The following FGD4 variants were observed in gnomAD, a reference collection of about 807,000 sequenced individuals.
The protein encoded by FGD4 is FYVE, RhoGEF and PH domain-containing protein 4.
Under a neutral mutation model 102.0 loss-of-function variants are expected in FGD4, and 42 were observed. The observed-to-expected ratio is 0.41, with a 90% CI of 0.32 to 0.53. FGD4 has a LOEUF of 0.53. Among genes scored for constraint, FGD4 ranks in the 20% least tolerant of loss-of-function variants. FGD4 has a pLI of 0.21. For missense variants in FGD4, 902 were observed against 1,078.2 expected, an observed-to-expected ratio of 0.84 and a Z score of 2.29; for synonymous variants, 380 against 375.7, an observed-to-expected ratio of 1.01 and a Z score of -0.13.
intron 1 of FGD4, among the ~76,000 whole-genome samples, chr12:32,485,458 T>TTTTTTTA (rs869293958): frequency 6.8e-6 from 1 of 147,086 alleles, no homozygotes; most frequent in African/African-American, 2.5e-5. Flanking sequence ...TTTTTTTTTT[T>TTTTTTTA]GAGACAGAGA....
At position 32,420,863 on chromosome 12, in the gene FGD4, A is replaced by G. The variant is rs532195688; in HGVS notation, c.166+20904A>G. On this transcript the variant is annotated intron_variant, in intron 1 of 16. Coordinates refer to ENST00000534526, the MANE Select transcript of FGD4 (RefSeq NM_001370298.3). ...AGAAGAACCCCAAACTAGTTGGTAC[A>G]TTTTGGTTCAATGTAATAATTATTT... Among the ~76,000 whole-genome samples, 16 of 152,194 alleles carry G rather than the reference A, an allele frequency of 1.1e-4. No individual in the cohort carries two copies. The South Asian group carries it at 3.3e-3, about 32-fold the overall frequency.
At chr12:32,400,514 A>G (rs1940612401) in intron 1 of FGD4, among the ~76,000 whole-genome samples, 1 of 152,222 alleles carries the variant, frequency 6.6e-6, no homozygotes. Context: ...TTTTCATGTT[A>G]ATAGGTTCAG....
At chr12:32,447,654 C>A (rs1031940116) in intron 1 of FGD4, among the ~76,000 whole-genome samples, 2 of 152,198 alleles carry the variant, frequency 1.3e-5, no homozygotes, top group African/African-American at 4.8e-5. Context: ...CCTGAGCCAT[C>A]CAAATTCGCT....
At chr12:32,585,421 C>G (rs1946945912) in intron 4 of FGD4, among the ~76,000 whole-genome samples, 1 of 151,784 alleles carries the variant, frequency 6.6e-6, no homozygotes, top group South Asian at 2.1e-4. Flanking sequence ...CAGTCTCACT[C>G]TCCTGGGCAC....
chr12:32,562,859 C>T lies in FGD4; in HGVS notation c.167-1278C>T, dbSNP rs891007114. On this transcript the variant is annotated intron_variant, in intron 1 of 16. Coordinates refer to ENST00000534526, the MANE Select transcript of FGD4 (RefSeq NM_001370298.3). ...CCATCCGACTTCTCAATCTTTTCCC[C>T]ACCTTTCCCCCCTTTCTATTCCACA... is the stretch of plus-strand genomic sequence containing the variant. 5.5e-3 allele frequency among the ~76,000 whole-genome samples: 833 copies of T among 152,358 alleles called. 5 individuals are homozygous for T. Among genetic ancestry groups the T allele is most frequent in the African/African-American group, 0.016 (654 of 41,578 alleles).
intron 1 of FGD4, among the ~76,000 whole-genome samples, chr12:32,440,195 G>A (rs1336308652): frequency 6.6e-6 from 1 of 152,168 alleles, no homozygotes; most frequent in Non-Finnish European, 1.5e-5. Context: ...CCTGGATGCC[G>A]CTGATGCTCG....
rs192285270 is a variant in FGD4, at chr12:32,432,528, C to G, written c.166+32569C>G. 2.2e-4 allele frequency among the ~76,000 whole-genome samples: 33 copies of G among 151,322 alleles called. 1 individual carries two copies. Among genetic ancestry groups the G allele is most frequent in the Admixed American group, 1.8e-3 (28 of 15,210 alleles). On this transcript the variant is annotated intron_variant, in intron 1 of 16. Transcript: ENST00000534526. Reference sequence around the variant, plus strand: ...CTACTCAGGAGGCTGAGATTGAACCCAGGAGGCGGAGGTTGCAGTGAGCCA... The same window carrying G: ...CTACTCAGGAGGCTGAGATTGAACCGAGGAGGCGGAGGTTGCAGTGAGCCA...
intron 1 of FGD4, among the ~76,000 whole-genome samples, chr12:32,410,094 C>T (rs191185995): frequency 1.3e-5 from 2 of 151,722 alleles, no homozygotes; most frequent in African/African-American, 2.4e-5. Flanking sequence ...TTTGGGAGGC[C>T]GAAGCAGGTG....
chr12:32,563,033 G>A (rs551808525), intron 1 of FGD4, among the ~76,000 whole-genome samples: 1 of 150,490 alleles, frequency 6.6e-6, no homozygotes, highest in East Asian at 2.0e-4. Flanking sequence ...GCGGCTGGCC[G>A]GGCGGGGGGC....
At chr12:32,529,059 G>T (rs903354309) in intron 1 of FGD4, among the ~76,000 whole-genome samples, 1 of 152,204 alleles carries the variant, frequency 6.6e-6, no homozygotes, top group Admixed American at 6.5e-5. Flanking sequence ...CTTGGCATAC[G>T]TTCAAGAATT....
rs537454590 is a variant in FGD4 at position 32,529,206 on chromosome 12, C to T, written c.167-34931C>T. On this transcript the variant is annotated intron_variant, in intron 1 of 16. Transcript: ENST00000534526. ...CTTGGCTCACTGCAACCTCCGCCTC[C>T]CAGATTCAAGCTATCCTCCTGCCTC... Among the ~76,000 whole-genome samples, 99 of 152,246 alleles carry T rather than the reference C, an allele frequency of 6.5e-4. 1 individual carries two copies. The highest frequency in any genetic ancestry group is 2.2e-3 in the African/African-American group (92 of 41,558).
chr12:32,547,488 A>G (rs908299340), intron 1 of FGD4, among the ~76,000 whole-genome samples: 2 of 152,140 alleles, frequency 1.3e-5, no homozygotes, highest in African/African-American at 2.4e-5. Context: ...CCTCTTAATC[A>G]TCTGTATAAT....
Position 32,633,640 on chromosome 12 carries a change from T to C in FGD4, c.2264T>C (p.Ile755Thr). The change falls in exon 15 of 17, where the codon ATA becomes ACA. Residue 755 changes from isoleucine to threonine, a missense_variant. Around this residue, in one of 2 missense-constraint regions of FGD4, gnomAD observed 459 missense variants for 619.0 expected, o/e 0.74. Coordinates refer to ENST00000534526, the MANE Select transcript of FGD4 (RefSeq NM_001370298.3). ...GTTTGTAAAGACTGTTATCAAATCA[T>C]AAGTGGATTCACAGACAGTGAAGAA... Reference protein sequence around the residue: ...SKVCKDCYQIISGFTDSEEKK... With the variant: ...SKVCKDCYQITSGFTDSEEKK... 2 of 1,610,590 alleles carry C rather than the reference T, an allele frequency of 1.2e-6. No individual in the cohort carries two copies. Among genetic ancestry groups the C allele is most frequent in the Non-Finnish European group, 1.7e-6 (2 of 1,176,854 alleles).
chr12:32,618,852 C>T (rs546568093), intron 10 of FGD4, among the ~76,000 whole-genome samples: 2 of 152,234 alleles, frequency 1.3e-5, no homozygotes, highest in South Asian at 2.1e-4. Flanking sequence ...TATAGTCCCA[C>T]CTACTCAGAA....
chr12:32,463,182 C>T (rs926703222), intron 1 of FGD4, among the ~76,000 whole-genome samples: 3 of 152,310 alleles, frequency 2.0e-5, no homozygotes, highest in Middle Eastern at 3.4e-3. Context: ...AGCTGTGAGA[C>T]AAGATGGAAT....
chr12:32,480,710 A>T (rs1205587458), intron 1 of FGD4, among the ~76,000 whole-genome samples: 7 of 151,098 alleles, frequency 4.6e-5, no homozygotes, highest in Non-Finnish European at 1.0e-4. Flanking sequence ...CATGTTGGCC[A>T]GGATGCTCTT....
intron 11 of FGD4, among the ~76,000 whole-genome samples, chr12:32,622,343 T>C: frequency 6.6e-6 from 1 of 152,336 alleles, no homozygotes; most frequent in South Asian, 2.1e-4. Flanking sequence ...ATGGATACTT[T>C]CAGTCCTCCT....
At chr12:32,455,304 A>C (rs947113113) in intron 1 of FGD4, among the ~76,000 whole-genome samples, 3 of 152,172 alleles carry the variant, frequency 2.0e-5, no homozygotes, top group African/African-American at 7.2e-5. Flanking sequence ...ACTTATACAT[A>C]AAATTTTTTA....
At chr12:32,545,610 T>C (rs1943169515) in intron 1 of FGD4, among the ~76,000 whole-genome samples, 1 of 152,258 alleles carries the variant, frequency 6.6e-6, no homozygotes, top group Non-Finnish European at 1.5e-5. Context: ...ATTTGGCCTG[T>C]GACCTGTAGG....
Sources: gnomAD v4.1 joint callset for allele counts (sites outside exome capture counted in the v4.1 genomes callset) on GRCh38, gnomAD v4.1.1 for gene constraint, gnomAD v4.1.1 regional missense constraint, MANE v1.5 for transcripts, NCBI Gene and HGNC (gene_info 2026-07-23, HGNC 2026-07-21) for gene names.